Variants in ALK observed in about 807,000 individuals in gnomAD.
ALK encodes ALK tyrosine kinase receptor.
Under a neutral mutation model 163.1 loss-of-function variants are expected in ALK, and 74 were observed. The ratio of observed to expected loss-of-function variants is 0.45; its 90% CI spans 0.38 to 0.55. The LOEUF (loss-of-function observed/expected upper bound fraction) is 0.55, where lower values mean the gene tolerates loss of function less well. Among genes scored for constraint, ALK ranks in the 20% least tolerant of loss-of-function variants. ALK has a pLI of 0.00. For synonymous variants in ALK, 960 were observed against 843.2 expected (o/e 1.14, Z -2.40); for missense variants, 2,063 against 2,105.3 (o/e 0.98, Z 0.39).
intron 3 of ALK, among the ~76,000 whole-genome samples, chr2:29,626,887 G>A (rs4396665): frequency 0.64 from 97,066 of 152,082 alleles, 31,938 homozygotes; most frequent in Middle Eastern, 0.73. Context: ...TGCAGAGATA[G>A]TGCCTGGGGC....
At chr2:29,491,299 C>T (rs1269321143) in intron 4 of ALK, among the ~76,000 whole-genome samples, 1 of 152,088 alleles carries the variant, frequency 6.6e-6, no homozygotes. Flanking sequence ...TCCATTAGTG[C>T]CTCTCAGAGT....
intron 3 of ALK, among the ~76,000 whole-genome samples, chr2:29,630,433 C>T (rs574952971): frequency 3.3e-5 from 5 of 151,720 alleles, no homozygotes; most frequent in African/African-American, 1.2e-4. Flanking sequence ...ATTCTAAGCA[C>T]CAGGGAGTTT....
In ALK at chr2:29,830,924, A is replaced by AAAG. The variant is rs377209787; in HGVS notation, c.667+89066_667+89068dup. Among the ~76,000 whole-genome samples the AAAG allele has an allele frequency of 6.5e-4, 64 of 99,156 alleles. 3 individuals are homozygous for AAAG. The highest frequency in any genetic ancestry group is 2.1e-3 in the African/African-American group (56 of 26,558). 65.1% of individuals were successfully genotyped at this position (99,156 alleles called of 152,430 possible). ...AACTCTAAAGAAATGAAGAAGAAGAAAAGAAGAAGAAGAAGAAGAAAAGAA... is the reference window on the plus strand; with the variant it reads ...AACTCTAAAGAAATGAAGAAGAAGAAAAGAAGAAGAAGAAGAAGAAGAAAAGAA... On this transcript the variant is annotated intron_variant, in intron 1 of 28. Coordinates refer to ENST00000389048, the MANE Select transcript of ALK (RefSeq NM_004304.5).
intron 5 of ALK, among the ~76,000 whole-genome samples, chr2:29,373,727 C>T (rs1001632994): frequency 7.9e-5 from 12 of 152,202 alleles, no homozygotes; most frequent in Admixed American, 2.0e-4. Flanking sequence ...GAAAGACCAG[C>T]GAATTTCCTT....
At chr2:29,747,845 T>C (rs1680247141) in intron 1 of ALK, among the ~76,000 whole-genome samples, 1 of 152,210 alleles carries the variant, frequency 6.6e-6, no homozygotes, top group Non-Finnish European at 1.5e-5. Context: ...TGGCACACAT[T>C]GTCAAGCTTT....
chr2:29,573,922 G>A (rs1389753467), intron 3 of ALK, among the ~76,000 whole-genome samples: 1 of 152,170 alleles, frequency 6.6e-6, no homozygotes, highest in Non-Finnish European at 1.5e-5. Context: ...TCACTGATGA[G>A]CTGACATTTG....
At chr2:29,244,509 G>T (rs2148191848) in intron 12 of ALK, among the ~76,000 whole-genome samples, 1 of 152,336 alleles carries the variant, frequency 6.6e-6, no homozygotes, top group Non-Finnish European at 1.5e-5. Flanking sequence ...CAGTGAGCAA[G>T]GTTCATGGTC....
At chr2:29,640,493 T>C (rs1052431073) in intron 3 of ALK, among the ~76,000 whole-genome samples, 3 of 152,180 alleles carry the variant, frequency 2.0e-5, no homozygotes, top group African/African-American at 7.2e-5. Context: ...TCTGCCATGA[T>C]TGTAAGTTTC....
At chr2:29,290,253 A>G (rs1665985439) in intron 9 of ALK, among the ~76,000 whole-genome samples, 3 of 152,214 alleles carry the variant, frequency 2.0e-5, no homozygotes, top group African/African-American at 7.2e-5. Context: ...CATCTACCCT[A>G]GCTGCTCAGA....
intron 4 of ALK, among the ~76,000 whole-genome samples, chr2:29,452,781 T>A (rs1045741984): frequency 1.3e-5 from 2 of 152,168 alleles, no homozygotes; most frequent in African/African-American, 4.8e-5. Flanking sequence ...GATGCCCACT[T>A]GATATGATGC....
intron 2 of ALK, among the ~76,000 whole-genome samples, chr2:29,700,154 G>A (rs1678689617): frequency 6.6e-6 from 1 of 152,172 alleles, no homozygotes; most frequent in African/African-American, 2.4e-5. Flanking sequence ...CCCTAAACAA[G>A]GACTTGTTGT....
chr2:29,778,292 G>T (rs879889319), intron 1 of ALK, among the ~76,000 whole-genome samples: 1 of 152,146 alleles, frequency 6.6e-6, no homozygotes, highest in Non-Finnish European at 1.5e-5. Flanking sequence ...CCTCCCTTCA[G>T]CATCACTCTG....
intron 3 of ALK, among the ~76,000 whole-genome samples, chr2:29,533,247 A>G (rs11691449): frequency 0.12 from 17,966 of 152,260 alleles, 1,396 homozygotes; most frequent in Non-Finnish European, 0.18. Flanking sequence ...GTGATCTACA[A>G]CTGTCATAAA....
chr2:29,660,685 G>GAA lies in ALK; in HGVS notation c.952+34163_952+34164dup, dbSNP rs1553342634. ...GGCCCAGGGAGAGGGGAGAAAGGGGGAAAAAGGGGTGGTCAGAAGAGTGAG... is the reference window on the plus strand; with the variant it reads ...GGCCCAGGGAGAGGGGAGAAAGGGGGAAAAAAAGGGGTGGTCAGAAGAGTGAG... On this transcript the variant is annotated intron_variant, in intron 3 of 28. Coordinates refer to ENST00000389048, the MANE Select transcript of ALK (RefSeq NM_004304.5). Among the ~76,000 whole-genome samples the GAA allele has an allele frequency of 3.0e-3, 451 of 150,866 alleles. 4 individuals are homozygous for GAA. The highest frequency in any genetic ancestry group is 0.01 in the African/African-American group (423 of 41,192).
At chr2:29,544,768 C>A (rs967720990) in intron 3 of ALK, among the ~76,000 whole-genome samples, 6 of 152,062 alleles carry the variant, frequency 3.9e-5, no homozygotes, top group African/African-American at 1.4e-4. Context: ...AGTTACTGCA[C>A]TGGTCTCGCT....
intron 3 of ALK, among the ~76,000 whole-genome samples, chr2:29,623,266 A>G (rs139294211): frequency 7.7e-4 from 118 of 152,368 alleles, no homozygotes; most frequent in African/African-American, 2.8e-3. Flanking sequence ...TGGTATTTAT[A>G]GCAGTGTTAC....
chr2:29,485,275 T>A (rs1671753318), intron 4 of ALK, among the ~76,000 whole-genome samples: 1 of 152,218 alleles, frequency 6.6e-6, no homozygotes. Context: ...ATCCTCTAAT[T>A]TTCCATTTGA....
rs760596486 is a variant in ALK at position 29,532,026 on chromosome 2, G to T, written c.1043C>A (p.Ala348Asp). The T allele has an allele frequency of 6.2e-6, 10 of 1,614,014 alleles. No individual in the cohort carries two copies. The highest frequency in any genetic ancestry group is 8.5e-6 in the Non-Finnish European group (10 of 1,180,002). ...MRSSSEHCTL[A>D]VSVHRHLQPS... ...CTGCAGGTGCCTGTGCACCGAGACG[G>T]CCAGTGTGCAGTGCTCACTGCTGCT... Residue 348 changes from alanine (A) to aspartate (D), a missense_variant, in exon 4 of 29, where the codon GCC becomes GAC. Transcript: ENST00000389048.
At chr2:29,856,361 T>A (rs1303460034) in intron 1 of ALK, among the ~76,000 whole-genome samples, 1 of 152,246 alleles carries the variant, frequency 6.6e-6, no homozygotes, top group Non-Finnish European at 1.5e-5. Context: ...ACAAAGTAAG[T>A]GTTCAGTAAA....
Sources: allele counts gnomAD v4.1 joint callset (sites outside exome capture counted in the v4.1 genomes callset), GRCh38; gene constraint gnomAD v4.1.1; transcripts MANE v1.5; gene names NCBI Gene and HGNC (gene_info 2026-07-23, HGNC 2026-07-21).